Variants in CLASP2 observed in about 807,000 individuals in gnomAD.
The protein encoded by CLASP2 is CLIP-associating protein 2.
A neutral mutation model predicts 194.4 loss-of-function variants in CLASP2; 47 were observed. The ratio of observed to expected loss-of-function variants is 0.24; its 90% CI spans 0.19 to 0.31. The LOEUF is 0.31. CLASP2 is among the 10% of genes least tolerant of loss of function. The pLI, the probability that CLASP2 is intolerant of heterozygous loss-of-function variation, is 1.00. For synonymous variants in CLASP2, 619 were observed against 633.5 expected (o/e 0.98, Z 0.34); for missense variants, 1,445 against 1,823.6 (o/e 0.79, Z 3.78).
chr3:33,511,201 T>A (rs1179875334), intron 36 of CLASP2, among the ~76,000 whole-genome samples: 1 of 151,998 alleles, frequency 6.6e-6, no homozygotes, highest in Non-Finnish European at 1.5e-5. Context: ...CCCGGCTAAT[T>A]TTTTTTATTT....
Position 33,543,497 on chromosome 3 carries a change from G to A in CLASP2, c.3340C>T (p.Pro1114Ser), listed in dbSNP as rs1260424501. ...GTAAGAGGACTGGACCAGTTAGCTG[G>A]TGATCGTGGTGTTGGTCTTGTCAAA... is the stretch of plus-strand genomic sequence containing the variant. ...SPLTRPTPRS[P>S]ANWSSPLTSP... The change falls in exon 32 of 39, where the codon CCA becomes TCA. Residue 1114 changes from proline to serine, a missense_variant. Pro to Ser is a moderately conservative substitution (Grantham distance 74). Around this residue, in one of 4 missense-constraint regions of CLASP2, gnomAD observed 732 missense variants for 987.9 expected, o/e 0.74. Coordinates refer to ENST00000682230, the MANE Select transcript of CLASP2 (RefSeq NM_001365631.1). 1.2e-6 allele frequency: 2 copies of A among 1,613,450 alleles called. No homozygotes were observed. The highest frequency in any genetic ancestry group is 1.1e-5 in the South Asian group (1 of 91,084).
Position 33,505,072 on chromosome 3 carries a change from GCTTGT to G in CLASP2, c.4318-3309_4318-3305del, listed in dbSNP as rs1209181706. ...CCTCCTTCCCAGGCTTTTGTTTGCT[GCTTGT>G]CTTGTCTGCTCTCCCTTGCCTCAGG... On this transcript the variant is annotated intron_variant, in intron 37 of 38. Transcript: ENST00000682230. 5 of 152,614 alleles carry G rather than the reference GCTTGT, an allele frequency of 3.3e-5. No homozygotes were observed. In the East Asian group the frequency reaches 9.6e-4, roughly 29 times the overall value. 9.5% of individuals were successfully genotyped at this position (152,614 alleles called of 1,614,324 possible).
At chr3:33,513,923 A>G (rs139358993) in intron 36 of CLASP2, among the ~76,000 whole-genome samples, 20 of 152,288 alleles carry the variant, frequency 1.3e-4, no homozygotes, top group African/African-American at 4.1e-4. Flanking sequence ...CTCCCATTCT[A>G]TGAGTTGCCT....
At chr3:33,695,489 T>C (rs1464283976) in intron 2 of CLASP2, among the ~76,000 whole-genome samples, 2 of 151,868 alleles carry the variant, frequency 1.3e-5, no homozygotes, top group African/African-American at 4.8e-5. Context: ...GGAAACCCCA[T>C]CAGATGCTTC....
In CLASP2 at chr3:33,496,286, G is replaced by C. The variant is rs369346163; in HGVS notation, c.*2345C>G. ...ATATAATTTTAATTAGTTCTCAGCA[G>C]TGCAGTAAATGAACAACACTTATTA... On this transcript the variant is annotated 3_prime_UTR_variant, in exon 39 of 39. Coordinates refer to ENST00000682230, the MANE Select transcript of CLASP2 (RefSeq NM_001365631.1). The C allele has an allele frequency of 1.3e-5, 2 of 152,156 alleles. No homozygotes were observed. The highest frequency in any genetic ancestry group is 4.8e-5 in the African/African-American group (2 of 41,432). The allele number at this position is 152,156 out of a possible 1,614,324, so 9.4% of individuals were successfully genotyped here.
At chr3:33,547,423 T>C (rs2059324941) in intron 30 of CLASP2, among the ~76,000 whole-genome samples, 1 of 152,220 alleles carries the variant, frequency 6.6e-6, no homozygotes, top group Non-Finnish European at 1.5e-5. Context: ...AATTAAACCT[T>C]TATTTTGTAA....
intron 37 of CLASP2, among the ~76,000 whole-genome samples, chr3:33,507,064 G>A (rs752031391): frequency 6.6e-5 from 10 of 151,058 alleles, no homozygotes; most frequent in South Asian, 2.1e-4. Flanking sequence ...TCAGCCTCCC[G>A]AGTAGCTGCG....
intron 8 of CLASP2, among the ~76,000 whole-genome samples, chr3:33,636,693 T>C (rs144852721): frequency 6.6e-6 from 1 of 152,088 alleles, no homozygotes; most frequent in Non-Finnish European, 1.5e-5. Flanking sequence ...CTCCACCTCC[T>C]GGGTTCAAGC....
intron 20 of CLASP2, among the ~76,000 whole-genome samples, chr3:33,593,577 A>T (rs1454835386): frequency 2.0e-5 from 3 of 152,122 alleles, no homozygotes; most frequent in African/African-American, 7.2e-5. Context: ...CAGAATCAAA[A>T]CCAGAAGTTT....
At chr3:33,686,784 C>T (rs982807079) in intron 5 of CLASP2, among the ~76,000 whole-genome samples, 5 of 152,156 alleles carry the variant, frequency 3.3e-5, no homozygotes, top group Admixed American at 6.5e-5. Context: ...AGCAGGGAAT[C>T]GAAGCTCTTT....
intron 10 of CLASP2, among the ~76,000 whole-genome samples, chr3:33,625,863 C>T (rs1482626049): frequency 1.3e-5 from 2 of 151,662 alleles, no homozygotes; most frequent in East Asian, 3.9e-4. Context: ...TGCATTGTTT[C>T]ACTTATTACA....
intron 27 of CLASP2, among the ~76,000 whole-genome samples, chr3:33,561,223 C>A (rs958545569): frequency 2.6e-5 from 4 of 152,142 alleles, no homozygotes; most frequent in African/African-American, 9.7e-5. Context: ...GAAAGTTTGG[C>A]CATAATGGCT....
At chr3:33,569,495 C>T (rs938361767) in intron 26 of CLASP2, among the ~76,000 whole-genome samples, 10 of 152,008 alleles carry the variant, frequency 6.6e-5, no homozygotes, top group African/African-American at 2.4e-4. Flanking sequence ...CTTATATTGC[C>T]AACTAAAAAT....
intron 7 of CLASP2, among the ~76,000 whole-genome samples, chr3:33,655,948 TAAC>T (rs2084121802): frequency 6.6e-6 from 1 of 152,168 alleles, no homozygotes. Flanking sequence ...CTCTGCAGCA[TAAC>T]AACAAAAGGC....
intron 35 of CLASP2, 62 bp downstream of exon 35, chr3:33,516,919 T>C (rs944911199): frequency 5.3e-5 from 73 of 1,379,672 alleles, no homozygotes; most frequent in Non-Finnish European, 7.1e-5. Flanking sequence ...TAGCATTAGA[T>C]TAACAGGCAA....
At chr3:33,632,256 G>A in intron 9 of CLASP2, 36 bp downstream of exon 9, 20 of 1,343,104 alleles carry the variant, frequency 1.5e-5, no homozygotes, top group Non-Finnish European at 2.0e-5. Context: ...CAGGCACACA[G>A]GCAATATTCA....
At chr3:33,546,231 A>G (rs1443605405) in intron 30 of CLASP2, among the ~76,000 whole-genome samples, 1 of 152,176 alleles carries the variant, frequency 6.6e-6, no homozygotes, top group Non-Finnish European at 1.5e-5. Flanking sequence ...TTTACCAATG[A>G]GTATATCCTT....
At chr3:33,656,478 A>G (rs2084236128) in intron 7 of CLASP2, among the ~76,000 whole-genome samples, 1 of 152,158 alleles carries the variant, frequency 6.6e-6, no homozygotes, top group Non-Finnish European at 1.5e-5. Context: ...ACAAATTTTA[A>G]TAATAACCAG....
chr3:33,630,003 C>T (rs2078778026), intron 9 of CLASP2, among the ~76,000 whole-genome samples: 1 of 151,902 alleles, frequency 6.6e-6, no homozygotes, highest in South Asian at 2.1e-4. Context: ...TGTTAGAGTA[C>T]TTAAAAAAGC....
Sources: gnomAD v4.1 joint callset for allele counts (sites outside exome capture counted in the v4.1 genomes callset) on GRCh38, gnomAD v4.1.1 for gene constraint, gnomAD v4.1.1 regional missense constraint, MANE v1.5 for transcripts, NCBI Gene and HGNC (gene_info 2026-07-23, HGNC 2026-07-21) for gene names.